LMO7: variants seen among roughly 807,000 people sequenced by gnomAD.
LMO7 encodes LIM domain 7.
Under a neutral mutation model 206.5 loss-of-function variants are expected in LMO7, and 120 were observed. That is an observed-to-expected ratio of 0.58 (90% CI 0.50 to 0.68). The LOEUF is 0.68. LMO7 is among the 30% of genes least tolerant of loss of function. LMO7 has a pLI of 0.00. For missense variants in LMO7, 1,959 were observed against 1,957.9 expected (o/e 1.00, Z -0.01); for synonymous variants, 706 against 681.5 (o/e 1.04, Z -0.56).
At chr13:75,845,638 G>A (rs9530471) in intron 26 of LMO7, among the ~76,000 whole-genome samples, 19,445 of 152,180 alleles carry the variant, frequency 0.13, 1,649 homozygotes, top group Admixed American at 0.21. Flanking sequence ...TTTGCAAAGC[G>A]ATGCTGATGC....
intron 17 of LMO7, 153 bp from the exon 18 acceptor site, chr13:75,835,080 G>A (rs772729760): frequency 2.2e-5 from 19 of 849,112 alleles, no homozygotes; most frequent in Non-Finnish European, 3.1e-5. Flanking sequence ...TTATATATAT[G>A]TGCATTCAAT....
At chr13:75,726,817 A>T (rs538662560) in intron 2 of LMO7, among the ~76,000 whole-genome samples, 1 of 152,218 alleles carries the variant, frequency 6.6e-6, no homozygotes, top group African/African-American at 2.4e-5. Flanking sequence ...CACATAAAGG[A>T]TATAGACTAT....
At chr13:75,649,651 C>G (rs554690850) in intron 1 of LMO7, among the ~76,000 whole-genome samples, 6 of 152,172 alleles carry the variant, frequency 3.9e-5, no homozygotes, top group African/African-American at 1.4e-4. Flanking sequence ...AAGAGCTATC[C>G]AAGAAATCAA....
At chr13:75,793,045 T>G (rs893329480) in intron 4 of LMO7, among the ~76,000 whole-genome samples, 1 of 152,146 alleles carries the variant, frequency 6.6e-6, no homozygotes, top group Non-Finnish European at 1.5e-5. Flanking sequence ...TGTTTTTCCT[T>G]CTGCCTTGAG....
rs2045786900 is a variant in LMO7 at position 75,735,966 on chromosome 13, T to G, written c.210+8868T>G. The stretch of plus-strand genomic sequence containing the variant: ...TTTCTTGGATCAATTACATGCATTT[T>G]AAAGCAAATTAGACTTTGATCTCAA... On this transcript the variant is annotated intron_variant, in intron 3 of 30. Coordinates refer to ENST00000377534, the MANE Select transcript of LMO7 (RefSeq NM_001306080.2). 2.0e-5 allele frequency among the ~76,000 whole-genome samples: 3 copies of G among 152,194 alleles called. No individual in the cohort carries two copies. In the South Asian group the frequency reaches 6.2e-4, roughly 31 times the overall value.
intron 1 of LMO7, among the ~76,000 whole-genome samples, chr13:75,643,531 C>T (rs2036748939): frequency 6.6e-6 from 1 of 152,116 alleles, no homozygotes; most frequent in African/African-American, 2.4e-5. Context: ...TTGATGTTTC[C>T]AGATCTCCTT....
In LMO7 at chr13:75,687,002, G is replaced by A. The variant is rs771974748; in HGVS notation, c.70-26180G>A. 2.0e-5 allele frequency among the ~76,000 whole-genome samples: 3 copies of A among 152,032 alleles called. No individual in the cohort carries two copies. In the East Asian group the frequency reaches 5.8e-4, roughly 29 times the overall value. ...CTCATGATCTAAATTACCTCCAAAG[G>A]CCCTACCTCCTAATACTGTCACATT... On this transcript the variant is annotated intron_variant, in intron 1 of 30. Transcript: ENST00000377534.
intron 11 of LMO7, among the ~76,000 whole-genome samples, chr13:75,816,127 A>G (rs1460092027): frequency 6.6e-6 from 1 of 152,252 alleles, no homozygotes; most frequent in African/African-American, 2.4e-5. Flanking sequence ...GGAATAGTTT[A>G]GAAATTACAA....
intron 1 of LMO7, among the ~76,000 whole-genome samples, chr13:75,683,064 CTTT>C (rs1025775588): frequency 1.5e-5 from 2 of 137,632 alleles, no homozygotes; most frequent in Non-Finnish European, 3.2e-5. Flanking sequence ...CTTTTTTTTT[CTTT>C]TTTTTTTTTT....
chr13:75,836,761 A>T (rs1208871602), intron 19 of LMO7, among the ~76,000 whole-genome samples: 2 of 152,172 alleles, frequency 1.3e-5, no homozygotes, highest in African/African-American at 4.8e-5. Context: ...TTGCTAGGGT[A>T]TGCTGGCAAT....
intron 3 of LMO7, among the ~76,000 whole-genome samples, chr13:75,755,929 G>C (rs748519526): frequency 5.3e-5 from 8 of 152,174 alleles, no homozygotes; most frequent in Non-Finnish European, 8.8e-5. Flanking sequence ...AGAAAGTGAA[G>C]AATAGAGTGA....
At chr13:75,727,199 G>C (rs898260082) in intron 3 of LMO7, 101 bp downstream of exon 3, 1 of 667,010 alleles carries the variant, frequency 1.5e-6, no homozygotes. Context: ...ACTGAAATTA[G>C]GTTATGGTTT....
intron 1 of LMO7, among the ~76,000 whole-genome samples, chr13:75,641,937 G>A (rs1310997498): frequency 6.6e-6 from 1 of 152,038 alleles, no homozygotes; most frequent in Non-Finnish European, 1.5e-5. Flanking sequence ...TGGGATTACA[G>A]GGCGTGAGCC....
At chr13:75,751,220 G>A (rs966504705) in intron 3 of LMO7, among the ~76,000 whole-genome samples, 1 of 133,886 alleles carries the variant, frequency 7.5e-6, no homozygotes, top group African/African-American at 2.9e-5. Context: ...GAGTTCAGCG[G>A]CGTGATCTCG....
chr13:75,804,779 A>T, intron 8 of LMO7: 1 of 1,092,658 alleles, frequency 9.2e-7, no homozygotes. Flanking sequence ...ACTTCAGTTT[A>T]TTGGTATTTT....
intron 3 of LMO7, among the ~76,000 whole-genome samples, chr13:75,752,140 A>T (rs1835916481): frequency 1.3e-5 from 2 of 151,774 alleles, no homozygotes; most frequent in African/African-American, 4.8e-5. Flanking sequence ...TTATTTTATT[A>T]TTATTATTTT....
chr13:75,764,162 G>A (rs1379100891), intron 4 of LMO7, among the ~76,000 whole-genome samples: 1 of 151,918 alleles, frequency 6.6e-6, no homozygotes. Flanking sequence ...TGACTTAATG[G>A]GTAGGATCCA....
chr13:75,716,849 C>G (rs1283851149), intron 2 of LMO7, among the ~76,000 whole-genome samples: 1 of 151,538 alleles, frequency 6.6e-6, no homozygotes, highest in African/African-American at 2.4e-5. Context: ...TTCCCAGTTA[C>G]TCATCTTATG....
rs2055756017 is a variant in LMO7, at chr13:75,807,894, A to T, written c.1611A>T (p.Arg537Ser). Residue 537 changes from arginine to serine, a missense_variant, in exon 10 of 31, where the codon AGA becomes AGT. By Grantham distance (110) the Arg-to-Ser change is moderately radical. Transcript: ENST00000377534. The stretch of plus-strand genomic sequence containing the variant: ...TGCCGCTGTCTGGGGCCCCAGATAG[A>T]TACCACCCAGTCCCTTTTCCCGAAC... ...KEVPLSGAPD[R>S]YHPVPFPEPW... 6.2e-7 allele frequency: 1 copy of T among 1,613,856 alleles called. No individual in the cohort carries two copies. The highest frequency in any genetic ancestry group is 8.5e-7 in the Non-Finnish European group (1 of 1,179,888).
Sources: gnomAD v4.1 joint callset for allele counts (sites outside exome capture counted in the v4.1 genomes callset) on GRCh38, gnomAD v4.1.1 for gene constraint, MANE v1.5 for transcripts, NCBI Gene and HGNC (gene_info 2026-07-23, HGNC 2026-07-21) for gene names.